Variants in AURKA observed in about 807,000 individuals in gnomAD.
AURKA encodes aurora kinase A, also known as aurora 2.
Under a neutral mutation model 40.9 loss-of-function variants are expected in AURKA, and 12 were observed. The observed-to-expected ratio is 0.29, with a 90% CI of 0.19 to 0.48. The LOEUF (loss-of-function observed/expected upper bound fraction) is 0.48. Ranked by LOEUF, AURKA falls within the 20% of genes least tolerant of loss-of-function variation. The pLI, the probability that AURKA is intolerant of heterozygous loss-of-function variation, is 0.99. For synonymous variants in AURKA, 170 were observed against 164.3 expected, an observed-to-expected ratio of 1.03 and a Z score of -0.26; for missense variants, 322 against 462.1, an observed-to-expected ratio of 0.70 and a Z score of 2.78.
At position 56,386,485 on chromosome 20, in the gene AURKA, A is replaced by C. The variant is rs2273535; in HGVS notation, c.91T>G (p.Phe31Val). The change falls in exon 3 of 9, where the codon TTT (phenylalanine) becomes GTT (valine). Residue 31 changes from phenylalanine (F) to valine (V), a missense_variant. By Grantham distance (50) the Phe-to-Val change is conservative. Transcript: ENST00000395915. Reference protein sequence around the residue: ...GPKRVLVTQQFPCQNPLPVNS... With the variant: ...GPKRVLVTQQVPCQNPLPVNS... ...ACAGGTAATGGATTCTGACAAGGAA[A>C]TTGCTGAGTCACGAGAACACGTTTT... 6.2e-6 allele frequency: 10 copies of C among 1,613,946 alleles called. No homozygotes were observed. The highest frequency in any genetic ancestry group is 8.5e-6 in the Non-Finnish European group (10 of 1,180,014).
At chr20:56,388,513 TAAA>T in intron 1 of AURKA, 1 of 404,146 alleles carries the variant, frequency 2.5e-6, no homozygotes, top group Non-Finnish European at 4.5e-6. Flanking sequence ...CCTGCTACCT[TAAA>T]AAAGTCCTCT....
At chr20:56,391,742 C>A (rs184673526) in intron 1 of AURKA, among the ~76,000 whole-genome samples, 1 of 152,264 alleles carries the variant, frequency 6.6e-6, no homozygotes, top group African/African-American at 2.4e-5. Flanking sequence ...CGCACTCCTG[C>A]TTTTCCTCTG....
intron 6 of AURKA, among the ~76,000 whole-genome samples, chr20:56,377,863 G>T (rs1215521541): frequency 1.3e-5 from 2 of 152,092 alleles, no homozygotes; most frequent in African/African-American, 4.8e-5. Flanking sequence ...ACCACATGCC[G>T]ATTAGAATAA....
intron 7 of AURKA, 89 bp from the exon 8 acceptor site, chr20:56,370,748 G>C: frequency 7.0e-7 from 1 of 1,435,440 alleles, no homozygotes; most frequent in Non-Finnish European, 9.6e-7. Context: ...CACTAACACT[G>C]AGGTCTTCCC....
At chr20:56,371,354 C>T (rs967736852) in intron 7 of AURKA, among the ~76,000 whole-genome samples, 5 of 151,588 alleles carry the variant, frequency 3.3e-5, no homozygotes, top group African/African-American at 4.8e-5. Flanking sequence ...CCTAGCTACT[C>T]AGGAGGCTGA....
intron 5 of AURKA, among the ~76,000 whole-genome samples, chr20:56,381,888 G>C (rs541318871): frequency 6.6e-6 from 1 of 151,910 alleles, no homozygotes; most frequent in South Asian, 2.1e-4. Context: ...GGACATGGCC[G>C]GGCACAGTGG....
At position 56,386,430 on chromosome 20, in the gene AURKA, C is replaced by T. The variant is rs1181783760; in HGVS notation, c.146G>A (p.Cys49Tyr). The change falls in exon 3 of 9, where the codon TGT (cysteine) becomes TAT (tyrosine). Residue 49 changes from cysteine to tyrosine, a missense_variant. Cys to Tyr is a radical substitution (Grantham distance 194). Coordinates refer to ENST00000395915, the MANE Select transcript of AURKA (RefSeq NM_198437.3). ...VNSGQAQRVL[C>Y]PSNSSQRIPL... ...AATGCGCTGGGAAGAATTTGAAGGA[C>T]ACAAGACCCGCTGAGCCTGGCCACT... 6.2e-7 allele frequency: 1 copy of T among 1,614,064 alleles called. No homozygotes were observed. Among genetic ancestry groups the T allele is most frequent in the Non-Finnish European group, 8.5e-7 (1 of 1,180,054 alleles).
chr20:56,381,866 A>G (rs1004194635), intron 5 of AURKA, among the ~76,000 whole-genome samples: 6 of 152,146 alleles, frequency 3.9e-5, no homozygotes, highest in African/African-American at 9.7e-5. Flanking sequence ...AATTATCTAC[A>G]TATTAAAAAA....
intron 3 of AURKA, 89 bp from the exon 4 acceptor site, chr20:56,384,413 C>T (rs1437682869): frequency 8.4e-6 from 8 of 949,718 alleles, no homozygotes; most frequent in Non-Finnish European, 1.3e-5. Flanking sequence ...GAATTGGTCA[C>T]CAAAATATTA....
intron 1 of AURKA, 63 bp from the exon 2 acceptor site, chr20:56,388,265 G>T: frequency 8.1e-7 from 1 of 1,228,858 alleles, no homozygotes; most frequent in Non-Finnish European, 1.1e-6. Context: ...GCTGTTGCTC[G>T]ATAGGCAGCG....
chr20:56,379,073 C>T (rs751583878), intron 6 of AURKA, among the ~76,000 whole-genome samples: 9 of 151,864 alleles, frequency 5.9e-5, no homozygotes, highest in Non-Finnish European at 1.3e-4. Flanking sequence ...CAGATTGTGA[C>T]AAAAAAATCT....
Position 56,369,920 on chromosome 20 carries a change from T to G in AURKA, c.*238A>C, listed in dbSNP as rs1412602723. On this transcript the variant is annotated 3_prime_UTR_variant, in exon 9 of 9. Coordinates refer to ENST00000395915, the MANE Select transcript of AURKA (RefSeq NM_198437.3). ...CTGCAGTCGAACCTTGCCTCCAGAT[T>G]ATGAACCAGTATAAGTAGCACAATT... is the stretch of plus-strand genomic sequence containing the variant. 1 of 603,252 alleles carries G rather than the reference T, an allele frequency of 1.7e-6. No individual in the cohort carries two copies. Among genetic ancestry groups the G allele is most frequent in the African/African-American group, 1.8e-5 (1 of 54,452 alleles). The allele number at this position is 603,252 out of a possible 1,614,324, so 37.4% of individuals were successfully genotyped here.
At chr20:56,372,640 T>C (rs142794053) in intron 7 of AURKA, among the ~76,000 whole-genome samples, 18 of 152,308 alleles carry the variant, frequency 1.2e-4, no homozygotes, top group African/African-American at 4.1e-4. Flanking sequence ...CATATTCTAT[T>C]TTAGGCTATA....
At chr20:56,379,992 A>C (rs1436333981) in intron 6 of AURKA, among the ~76,000 whole-genome samples, 1 of 150,518 alleles carries the variant, frequency 6.6e-6, no homozygotes, top group African/African-American at 2.4e-5. Context: ...AAGGAAGTGT[A>C]AAAACAAACC....
chr20:56,384,211 G>T, intron 4 of AURKA, 59 bp downstream of exon 4: 1 of 1,410,096 alleles, frequency 7.1e-7, no homozygotes, highest in Non-Finnish European at 9.9e-7. Context: ...AACGAAATTT[G>T]CAACGAAATA....
Position 56,369,706 on chromosome 20 carries a change from A to G in AURKA, c.*452T>C, listed in dbSNP as rs972106089. ...TATTTTCATACTTAAAAAGAATCAC[A>G]TACTCATTCCAACAGCTTTACCAGG... On this transcript the variant is annotated 3_prime_UTR_variant, in exon 9 of 9. Coordinates refer to ENST00000395915, the MANE Select transcript of AURKA (RefSeq NM_198437.3). 4 of 355,714 alleles carry G rather than the reference A, an allele frequency of 1.1e-5. No homozygotes were observed. Among genetic ancestry groups the G allele is most frequent in the Non-Finnish European group, 2.1e-5 (4 of 190,064 alleles). 22.0% of individuals were successfully genotyped at this position (355,714 alleles called of 1,614,324 possible).
chr20:56,386,669 A>C (rs1159826796), intron 2 of AURKA, 136 bp from the exon 3 acceptor site: 1 of 987,028 alleles, frequency 1.0e-6, no homozygotes, highest in Non-Finnish European at 1.5e-6. Context: ...GTGAAAAGGT[A>C]TTTTAATCAG....
chr20:56,388,331 C>A, intron 1 of AURKA, 129 bp from the exon 2 acceptor site: 1 of 864,740 alleles, frequency 1.2e-6, no homozygotes, highest in East Asian at 2.4e-5. Context: ...CATGTTTTGT[C>A]CAAATGAAGC....
intron 7 of AURKA, among the ~76,000 whole-genome samples, chr20:56,372,764 G>C (rs1441687036): frequency 6.6e-6 from 1 of 152,156 alleles, no homozygotes; most frequent in African/African-American, 2.4e-5. Flanking sequence ...CACTTCATGT[G>C]AAGTTTCAAA....
Sources: allele counts gnomAD v4.1 joint callset (sites outside exome capture counted in the v4.1 genomes callset), GRCh38; gene constraint gnomAD v4.1.1; transcripts MANE v1.5; gene names NCBI Gene and HGNC (gene_info 2026-07-23, HGNC 2026-07-21).